The following VEZT variants were observed in gnomAD, a reference collection of about 807,000 sequenced individuals.
VEZT encodes vezatin.
In VEZT, 39 loss-of-function variants were observed where a neutral mutation model predicts 79.9. The ratio of observed to expected loss-of-function variants is 0.49; its 90% CI spans 0.38 to 0.64. VEZT has a LOEUF of 0.64. Among genes scored for constraint, VEZT ranks in the 30% least tolerant of loss-of-function variants. The probability of loss-of-function intolerance (pLI) is 0.00; values close to 1 mark genes in which losing one functional copy is unlikely to be tolerated. For missense variants in VEZT, 837 were observed against 893.1 expected (o/e 0.94, Z 0.80); for synonymous variants, 325 against 327.6 (o/e 0.99, Z 0.09).
intron 2 of VEZT, among the ~76,000 whole-genome samples, chr12:95,254,330 A>G (rs537777165): frequency 1.0e-4 from 15 of 149,814 alleles, no homozygotes; most frequent in Admixed American, 7.4e-4. Flanking sequence ...ATTTTTCTAA[A>G]ACGAAGTTCT....
At chr12:95,240,587 G>C (rs1462020941) in intron 1 of VEZT, among the ~76,000 whole-genome samples, 3 of 152,118 alleles carry the variant, frequency 2.0e-5, no homozygotes, top group African/African-American at 7.2e-5. Context: ...AATACTTAGT[G>C]TAACCAAGTG....
chr12:95,226,498 C>T (rs967619236), intron 1 of VEZT, among the ~76,000 whole-genome samples: 4 of 151,906 alleles, frequency 2.6e-5, no homozygotes, highest in East Asian at 1.9e-4. Flanking sequence ...TAGAGAATTA[C>T]ATGCTGCATG....
chr12:95,270,005 A>G, intron 5 of VEZT, 46 bp from the exon 6 acceptor site: 1 of 1,583,998 alleles, frequency 6.3e-7, no homozygotes, highest in Non-Finnish European at 8.6e-7. Flanking sequence ...ACTTTAGGAC[A>G]CCTGTACAGT....
intron 2 of VEZT, chr12:95,256,657 C>G: frequency 7.7e-6 from 9 of 1,163,584 alleles, no homozygotes; most frequent in Non-Finnish European, 1.0e-5. Flanking sequence ...AGTAGTAAAG[C>G]TTTTTTATCA....
intron 1 of VEZT, among the ~76,000 whole-genome samples, chr12:95,242,822 G>A (rs893478987): frequency 6.8e-6 from 1 of 146,218 alleles, no homozygotes; most frequent in Non-Finnish European, 1.5e-5. Flanking sequence ...GCAGTGAGCC[G>A]AGATGGTGCC....
intron 10 of VEZT, among the ~76,000 whole-genome samples, chr12:95,295,254 G>A (rs1178909778): frequency 6.6e-6 from 1 of 152,132 alleles, no homozygotes; most frequent in Non-Finnish European, 1.5e-5. Flanking sequence ...TCTGTTGCCC[G>A]TGTTCAAGCG....
intron 7 of VEZT, among the ~76,000 whole-genome samples, chr12:95,275,506 G>A (rs1358328114): frequency 6.6e-6 from 1 of 151,872 alleles, no homozygotes; most frequent in Non-Finnish European, 1.5e-5. Flanking sequence ...GAACCCGGAA[G>A]GCAGAGTTTG....
At chr12:95,254,565 T>C (rs1294244487) in intron 2 of VEZT, among the ~76,000 whole-genome samples, 1 of 152,086 alleles carries the variant, frequency 6.6e-6, no homozygotes, top group African/African-American at 2.4e-5. Flanking sequence ...CAGGCTGGTC[T>C]TAAACTCCTG....
intron 1 of VEZT, among the ~76,000 whole-genome samples, chr12:95,240,741 AC>A (rs1395826933): frequency 6.6e-6 from 1 of 152,168 alleles, no homozygotes; most frequent in Non-Finnish European, 1.5e-5. Context: ...TCATGGAAAA[AC>A]AGCTAATTTT....
intron 7 of VEZT, among the ~76,000 whole-genome samples, chr12:95,277,710 T>C (rs1481521484): frequency 6.6e-6 from 1 of 152,222 alleles, no homozygotes; most frequent in Non-Finnish European, 1.5e-5. Context: ...TCTTTGAACT[T>C]ATGTCACCTG....
Position 95,250,282 on chromosome 12 carries a change from AT to A in VEZT, c.37-1647del, listed in dbSNP as rs1432051307. Among the ~76,000 whole-genome samples, 218 of 115,128 alleles carry A rather than the reference AT, an allele frequency of 1.9e-3. 1 individual carries two copies. The highest frequency in any genetic ancestry group is 5.1e-3 in the African/African-American group (149 of 29,316). The allele number at this position is 115,128 out of a possible 152,430, so 75.5% of individuals were successfully genotyped here. ...TCATTGAATGGAATCAAGATTTATT[AT>A]TTTTTTTTTTAATTTTTTAATTTTT... On this transcript the variant is annotated intron_variant, in intron 1 of 11. Coordinates refer to ENST00000436874, the MANE Select transcript of VEZT (RefSeq NM_017599.4).
At chr12:95,298,645 C>T (rs1165873107) in intron 11 of VEZT, among the ~76,000 whole-genome samples, 2 of 152,194 alleles carry the variant, frequency 1.3e-5, no homozygotes, top group Non-Finnish European at 2.9e-5. Context: ...TGTAAAGCCT[C>T]CTACCTGCCT....
intron 4 of VEZT, among the ~76,000 whole-genome samples, chr12:95,263,524 G>C (rs948416112): frequency 6.6e-6 from 1 of 152,156 alleles, no homozygotes; most frequent in East Asian, 1.9e-4. Flanking sequence ...GTTGGCATAT[G>C]TCTGTAGACC....
At chr12:95,290,787 A>G (rs1391033242) in intron 9 of VEZT, 1 of 152,206 alleles carries the variant, frequency 6.6e-6, no homozygotes, top group Non-Finnish European at 1.5e-5. Flanking sequence ...TTCATGAATC[A>G]TTCCATATTT....
chr12:95,241,731 TC>T (rs1329859269), intron 1 of VEZT, among the ~76,000 whole-genome samples: 1 of 120,468 alleles, frequency 8.3e-6, no homozygotes, highest in Non-Finnish European at 2.1e-5. Context: ...TTTTTTTGTT[TC>T]TACTTTTTGT....
In VEZT at chr12:95,301,765, GT is replaced by G. The variant is rs1452266935; in HGVS notation, c.*1093del. The G allele has an allele frequency of 2.6e-5, 4 of 152,160 alleles. No individual in the cohort carries two copies. Among genetic ancestry groups the G allele is most frequent in the African/African-American group, 9.7e-5 (4 of 41,430 alleles). 9.4% of individuals were successfully genotyped at this position (152,160 alleles called of 1,614,324 possible). On this transcript the variant is annotated 3_prime_UTR_variant, in exon 12 of 12. Coordinates refer to ENST00000436874, the MANE Select transcript of VEZT (RefSeq NM_017599.4). ...TAGTAATAACTCAATCTATGTTGCTGTCCTAGAAAGGAAATTGCATGATGAA... is the reference window on the plus strand; with the variant it reads ...TAGTAATAACTCAATCTATGTTGCTGCCTAGAAAGGAAATTGCATGATGAA...
rs55667589 is a variant in VEZT, at chr12:95,289,089, AAAAT to A, written c.1522+1272_1522+1275del. Among the ~76,000 whole-genome samples, 945 of 101,532 alleles carry A rather than the reference AAAAT, an allele frequency of 9.3e-3. 23 individuals are homozygous for A. Among genetic ancestry groups the A allele is most frequent in the African/African-American group, 0.027 (714 of 25,996 alleles). 66.6% of individuals were successfully genotyped at this position (101,532 alleles called of 152,430 possible). On this transcript the variant is annotated intron_variant, in intron 9 of 11. Transcript: ENST00000436874. ...AGAGCGAGACTCCGTCTCAAAAAAA[AAAAT>A]AAATAAATAAATAAATAAATAAATA...
intron 9 of VEZT, among the ~76,000 whole-genome samples, chr12:95,289,259 T>C (rs1435298036): frequency 6.7e-6 from 1 of 150,322 alleles, no homozygotes; most frequent in Non-Finnish European, 1.5e-5. Context: ...CTACTAAAAA[T>C]ACAAAAAATT....
chr12:95,252,265 C>T (rs1165646591), intron 2 of VEZT, 194 bp downstream of exon 2: 3 of 455,746 alleles, frequency 6.6e-6, no homozygotes, highest in Non-Finnish European at 1.1e-5. Flanking sequence ...AATTTATATC[C>T]AGTGAGGAAA....
Sources: allele counts gnomAD v4.1 joint callset (sites outside exome capture counted in the v4.1 genomes callset), GRCh38; gene constraint gnomAD v4.1.1; transcripts MANE v1.5; gene names NCBI Gene and HGNC (gene_info 2026-07-23, HGNC 2026-07-21).